Variants in DYNC1I1 observed in about 807,000 individuals in gnomAD.
The protein encoded by DYNC1I1 is dynein cytoplasmic 1 intermediate chain 1.
A neutral mutation model predicts 86.6 loss-of-function variants in DYNC1I1; 43 were observed. The observed-to-expected ratio is 0.50, with a 90% CI of 0.39 to 0.64. The LOEUF (loss-of-function observed/expected upper bound fraction) is 0.64. Ranked by LOEUF, DYNC1I1 falls within the 30% of genes least tolerant of loss-of-function variation. The pLI is 0.00. For synonymous variants in DYNC1I1, 262 were observed against 283.7 expected, an observed-to-expected ratio of 0.92 and a Z score of 0.77; for missense variants, 604 against 788.8, an observed-to-expected ratio of 0.77 and a Z score of 2.81.
chr7:95,783,374 T>C (rs1254119564), intron 1 of DYNC1I1, among the ~76,000 whole-genome samples: 2 of 152,208 alleles, frequency 1.3e-5, no homozygotes, highest in Non-Finnish European at 2.9e-5. Flanking sequence ...ATTTAGAACT[T>C]ATGGAATGCC....
intron 6 of DYNC1I1, among the ~76,000 whole-genome samples, chr7:95,878,970 A>G (rs1790381148): frequency 6.7e-6 from 1 of 149,366 alleles, no homozygotes; most frequent in Admixed American, 6.7e-5. Context: ...AAAAACAACT[A>G]TCAATCAAGA....
At chr7:96,047,508 T>A (rs1789254340) in intron 14 of DYNC1I1, among the ~76,000 whole-genome samples, 2 of 152,118 alleles carry the variant, frequency 1.3e-5, no homozygotes, top group African/African-American at 4.8e-5. Context: ...ACCAGAGATA[T>A]CAAGAAATAC....
chr7:95,979,777 G>C (rs924358190), intron 7 of DYNC1I1, among the ~76,000 whole-genome samples: 2 of 152,040 alleles, frequency 1.3e-5, no homozygotes, highest in Non-Finnish European at 2.9e-5. Flanking sequence ...TTTAACAGTG[G>C]CATCCACAGA....
chr7:95,959,735 G>T (rs1792813620), intron 6 of DYNC1I1, among the ~76,000 whole-genome samples: 1 of 152,112 alleles, frequency 6.6e-6, no homozygotes, highest in African/African-American at 2.4e-5. Flanking sequence ...GCTAAGCCTT[G>T]ATTTCCTCAC....
chr7:96,064,866 T>A (rs1221833723), intron 14 of DYNC1I1, among the ~76,000 whole-genome samples: 1 of 151,188 alleles, frequency 6.6e-6, no homozygotes, highest in African/African-American at 2.4e-5. Flanking sequence ...GAAAGCAAAG[T>A]AAGAAATGGT....
At chr7:95,828,203 C>T (rs907843524) in intron 5 of DYNC1I1, 87 bp downstream of exon 5, 4 of 1,467,598 alleles carry the variant, frequency 2.7e-6, no homozygotes, top group African/African-American at 2.8e-5. Context: ...CTCTTGTGTT[C>T]TCCCCTTTTG....
chr7:95,870,873 G>C (rs1790144383), intron 6 of DYNC1I1, among the ~76,000 whole-genome samples: 1 of 144,106 alleles, frequency 6.9e-6, no homozygotes, highest in Non-Finnish European at 1.5e-5. Context: ...TTCATTGTTA[G>C]AGGCTAACGT....
At chr7:95,843,487 T>C (rs1232901485) in intron 5 of DYNC1I1, among the ~76,000 whole-genome samples, 1 of 152,220 alleles carries the variant, frequency 6.6e-6, no homozygotes, top group Non-Finnish European at 1.5e-5. Flanking sequence ...CCCTCATGTA[T>C]CACTGTTCCT....
At chr7:96,056,601 T>C (rs1789584056) in intron 14 of DYNC1I1, among the ~76,000 whole-genome samples, 1 of 152,188 alleles carries the variant, frequency 6.6e-6, no homozygotes, top group African/African-American at 2.4e-5. Context: ...CATTTCCTTA[T>C]ACTACAACAT....
chr7:95,929,749 A>G (rs951897070), intron 6 of DYNC1I1, among the ~76,000 whole-genome samples: 2 of 152,208 alleles, frequency 1.3e-5, no homozygotes, highest in African/African-American at 4.8e-5. Flanking sequence ...TTTTCTACAA[A>G]TGTCATCATA....
At chr7:95,933,199 A>G (rs1791948984) in intron 6 of DYNC1I1, among the ~76,000 whole-genome samples, 1 of 152,144 alleles carries the variant, frequency 6.6e-6, no homozygotes, top group South Asian at 2.1e-4. Context: ...ATCTTTATTT[A>G]TACTTTTTAA....
At chr7:95,982,498 GA>G (rs1385082057) in intron 7 of DYNC1I1, among the ~76,000 whole-genome samples, 1 of 151,900 alleles carries the variant, frequency 6.6e-6, no homozygotes, top group Non-Finnish European at 1.5e-5. Flanking sequence ...CTACAGGGAA[GA>G]AAAAAATTAC....
intron 6 of DYNC1I1, among the ~76,000 whole-genome samples, chr7:95,882,004 C>T (rs1790466903): frequency 6.6e-6 from 1 of 152,184 alleles, no homozygotes; most frequent in Admixed American, 6.5e-5. Context: ...TGGCTGAGGA[C>T]ACCATATTCA....
At chr7:95,841,018 A>C (rs1008132001) in intron 5 of DYNC1I1, among the ~76,000 whole-genome samples, 1 of 152,212 alleles carries the variant, frequency 6.6e-6, no homozygotes, top group Non-Finnish European at 1.5e-5. Flanking sequence ...AGGAAGAGGA[A>C]CTGTGGCAAA....
At chr7:96,068,217 T>G (rs1411754764) in intron 14 of DYNC1I1, among the ~76,000 whole-genome samples, 2 of 152,196 alleles carry the variant, frequency 1.3e-5, no homozygotes, top group African/African-American at 4.8e-5. Context: ...TTGATTTCCA[T>G]TCGGCTTTAG....
chr7:96,035,846 G>A, intron 13 of DYNC1I1, 94 bp downstream of exon 13: 1 of 1,564,486 alleles, frequency 6.4e-7, no homozygotes, highest in Non-Finnish European at 8.6e-7. Flanking sequence ...TTATGAGAAA[G>A]CATCTCTGGA....
chr7:96,107,374 C>T (rs1255060963), intron 16 of DYNC1I1, among the ~76,000 whole-genome samples: 1 of 151,716 alleles, frequency 6.6e-6, no homozygotes, highest in East Asian at 1.9e-4. Flanking sequence ...TAGAGACATA[C>T]TTATTAGGTT....
chr7:95,806,320 C>G lies in DYNC1I1; in HGVS notation c.108+1483C>G, dbSNP rs77663843. ...GTGATGTGATATGGGAAATTTGGTT[C>G]CAAATTATGCTGTCTGCTTCATCTT... On this transcript the variant is annotated intron_variant, in intron 2 of 16. Transcript: ENST00000447467. Among the ~76,000 whole-genome samples, 864 of 152,272 alleles carry G rather than the reference C, an allele frequency of 5.7e-3. 16 individuals carry two copies. The highest frequency in any genetic ancestry group is 0.02 in the African/African-American group (834 of 41,560).
At chr7:96,024,241 T>C (rs1794621999) in intron 10 of DYNC1I1, among the ~76,000 whole-genome samples, 1 of 152,124 alleles carries the variant, frequency 6.6e-6, no homozygotes, top group Non-Finnish European at 1.5e-5. Flanking sequence ...TCCACTTACG[T>C]AAACTACTTG....
Sources: allele counts gnomAD v4.1 joint callset (sites outside exome capture counted in the v4.1 genomes callset), GRCh38; gene constraint gnomAD v4.1.1; transcripts MANE v1.5; gene names NCBI Gene and HGNC (gene_info 2026-07-23, HGNC 2026-07-21).